CTNNA3: variants seen among roughly 807,000 people sequenced by gnomAD.
CTNNA3 encodes catenin alpha-3.
In CTNNA3, 76 loss-of-function variants were observed where a neutral mutation model predicts 95.7. The observed-to-expected ratio is 0.79, with a 90% CI of 0.66 to 0.96. The LOEUF (loss-of-function observed/expected upper bound fraction) is 0.96, where lower values mean the gene tolerates loss of function less well. Ranked by LOEUF, CTNNA3 falls within the 40% of genes least tolerant of loss-of-function variation. The pLI, the probability that CTNNA3 is intolerant of heterozygous loss-of-function variation, is 0.00. For synonymous variants in CTNNA3, 431 were observed against 374.4 expected, an observed-to-expected ratio of 1.15 and a Z score of -1.74; for missense variants, 1,191 against 1,089.8, an observed-to-expected ratio of 1.09 and a Z score of -1.31.
intron 13 of CTNNA3, among the ~76,000 whole-genome samples, chr10:66,230,603 G>A (rs373068941): frequency 7.9e-5 from 12 of 152,246 alleles, no homozygotes; most frequent in East Asian, 1.9e-4. Context: ...GCACAGTCAC[G>A]TTGCCTGTGG....
chr10:67,370,314 T>C (rs567040383), intron 5 of CTNNA3, among the ~76,000 whole-genome samples: 2 of 152,298 alleles, frequency 1.3e-5, no homozygotes, highest in South Asian at 4.1e-4. Flanking sequence ...TCAATTCATT[T>C]TGATATATAA....
chr10:66,392,114 C>G (rs1181391056), intron 11 of CTNNA3, among the ~76,000 whole-genome samples: 1 of 151,984 alleles, frequency 6.6e-6, no homozygotes, highest in Non-Finnish European at 1.5e-5. Context: ...TTTAAAACTT[C>G]TACTCTGCAA....
chr10:67,409,139 A>G (rs1281522025), intron 5 of CTNNA3, among the ~76,000 whole-genome samples: 1 of 152,152 alleles, frequency 6.6e-6, no homozygotes, highest in African/African-American at 2.4e-5. Context: ...TGTTGGTGGG[A>G]GTGTAAGTTA....
chr10:67,437,537 C>CA lies in CTNNA3; in HGVS notation c.579+84304dup, dbSNP rs536547217. Among the ~76,000 whole-genome samples the CA allele has an allele frequency of 1.0e-3, 153 of 151,668 alleles. 1 individual carries two copies. Among genetic ancestry groups the CA allele is most frequent in the African/African-American group, 3.5e-3 (147 of 41,422 alleles). On this transcript the variant is annotated intron_variant, in intron 5 of 17. Transcript: ENST00000433211. Reference sequence around the variant, plus strand: ...AAAATTTAAAAATATAAAAATTACACAAAAAAACAACTAATTTTAGAAATG... The same window carrying CA: ...AAAATTTAAAAATATAAAAATTACACAAAAAAAACAACTAATTTTAGAAATG...
chr10:67,045,888 A>T (rs1854713068), intron 7 of CTNNA3, among the ~76,000 whole-genome samples: 1 of 152,202 alleles, frequency 6.6e-6, no homozygotes, highest in Admixed American at 6.5e-5. Flanking sequence ...CCAAATAATA[A>T]GCTGTAAAAA....
At chr10:67,473,059 A>G (rs1847886004) in intron 5 of CTNNA3, among the ~76,000 whole-genome samples, 1 of 152,224 alleles carries the variant, frequency 6.6e-6, no homozygotes, top group African/African-American at 2.4e-5. Flanking sequence ...CTTGAATGCT[A>G]TCTTTAAATG....
intron 12 of CTNNA3, among the ~76,000 whole-genome samples, chr10:66,308,163 A>G (rs1458035739): frequency 6.6e-6 from 1 of 152,208 alleles, no homozygotes; most frequent in Non-Finnish European, 1.5e-5. Context: ...ATGCCATCAG[A>G]TAACATTTTA....
chr10:66,920,747 A>C (rs1846746884), intron 7 of CTNNA3, among the ~76,000 whole-genome samples: 1 of 152,234 alleles, frequency 6.6e-6, no homozygotes, highest in African/African-American at 2.4e-5. Context: ...AATGTGACCC[A>C]CGAAAACAGT....
intron 4 of CTNNA3, among the ~76,000 whole-genome samples, chr10:67,538,924 C>A (rs1023272596): frequency 6.6e-6 from 1 of 152,118 alleles, no homozygotes; most frequent in African/African-American, 2.4e-5. Context: ...GTTTGTCTGA[C>A]AAAATAAAGC....
At chr10:67,504,394 C>A (rs958619257) in intron 5 of CTNNA3, among the ~76,000 whole-genome samples, 1 of 131,980 alleles carries the variant, frequency 7.6e-6, no homozygotes, top group African/African-American at 2.9e-5. Flanking sequence ...TGAAATCGCA[C>A]CACTGCACTC....
intron 7 of CTNNA3, among the ~76,000 whole-genome samples, chr10:67,011,126 A>C (rs1221568838): frequency 6.6e-6 from 1 of 152,092 alleles, no homozygotes. Flanking sequence ...TCAAGGGGTC[A>C]AGACCATCCT....
intron 10 of CTNNA3, among the ~76,000 whole-genome samples, chr10:66,523,168 G>A (rs1159271597): frequency 6.6e-6 from 1 of 152,084 alleles, no homozygotes; most frequent in Non-Finnish European, 1.5e-5. Context: ...TACTGCAGTG[G>A]CTCTGGTCCC....
intron 9 of CTNNA3, among the ~76,000 whole-genome samples, chr10:66,692,905 C>A (rs1847607220): frequency 1.3e-5 from 2 of 152,194 alleles, no homozygotes; most frequent in Non-Finnish European, 2.9e-5. Context: ...TACAGACAAG[C>A]AAATGCTGAG....
At chr10:67,750,949 C>T (rs1841403810) in intron 1 of CTNNA3, 1 of 1,605,776 alleles carries the variant, frequency 6.2e-7, no homozygotes, top group Admixed American at 1.7e-5. Context: ...TTGGGCCAAG[C>T]CAGAGGACCC....
chr10:66,218,370 G>T (rs2088691666), intron 13 of CTNNA3, among the ~76,000 whole-genome samples: 1 of 152,074 alleles, frequency 6.6e-6, no homozygotes, highest in Admixed American at 6.6e-5. Flanking sequence ...CCAAGATTAG[G>T]TTGTAAAAGA....
At position 66,383,213 on chromosome 10, in the gene CTNNA3, A is replaced by G. The variant is rs1009297703; in HGVS notation, c.1532-3861T>C. Among the ~76,000 whole-genome samples, 4 of 152,274 alleles carry G rather than the reference A, an allele frequency of 2.6e-5. No individual in the cohort carries two copies. In the East Asian group the frequency reaches 7.8e-4, roughly 30 times the overall value. On this transcript the variant is annotated intron_variant, in intron 11 of 17. Transcript: ENST00000433211. ...AAAACCTTGAAAAAAGATTAGATGA[A>G]TGGCTAACTAGAATAAACAGTGTAG...
intron 13 of CTNNA3, among the ~76,000 whole-genome samples, chr10:66,267,927 T>C (rs2091193446): frequency 6.6e-6 from 1 of 152,178 alleles, no homozygotes; most frequent in African/African-American, 2.4e-5. Context: ...ATTTGACTAA[T>C]TATACCTCTA....
chr10:66,052,149 C>T (rs1395188617), intron 15 of CTNNA3, among the ~76,000 whole-genome samples: 2 of 152,008 alleles, frequency 1.3e-5, no homozygotes, highest in Non-Finnish European at 2.9e-5. Flanking sequence ...GGCCATTTTG[C>T]CATTATATGA....
At chr10:66,287,997 A>G (rs2091619015) in intron 12 of CTNNA3, among the ~76,000 whole-genome samples, 1 of 152,140 alleles carries the variant, frequency 6.6e-6, no homozygotes, top group Non-Finnish European at 1.5e-5. Context: ...ACAGGGAGGT[A>G]CTGCTAAGGA....
Sources: gnomAD v4.1 joint callset for allele counts (sites outside exome capture counted in the v4.1 genomes callset) on GRCh38, gnomAD v4.1.1 for gene constraint, MANE v1.5 for transcripts, NCBI Gene and HGNC (gene_info 2026-07-23, HGNC 2026-07-21) for gene names.